RIN2: variants seen among roughly 807,000 people sequenced by gnomAD.
RIN2 encodes RAB5 interacting protein 2.
Under a neutral mutation model 78.0 loss-of-function variants are expected in RIN2, and 36 were observed. That is an observed-to-expected ratio of 0.46 (90% CI 0.35 to 0.61). The LOEUF is 0.61. Among genes scored for constraint, RIN2 ranks in the 20% least tolerant of loss-of-function variants. RIN2 has a pLI of 0.00. For missense variants in RIN2, 1,087 were observed against 1,159.7 expected (o/e 0.94, Z 0.91); for synonymous variants, 466 against 466.8 (o/e 1.00, Z 0.02).
intron 1 of RIN2, among the ~76,000 whole-genome samples, chr20:19,767,057 G>T (rs538349290): frequency 5.9e-5 from 9 of 152,164 alleles, no homozygotes; most frequent in Non-Finnish European, 2.9e-5. Context: ...AGAAAAGGCA[G>T]GTTAATTGGG....
chr20:19,992,751 T>G, intron 11 of RIN2, among the ~76,000 whole-genome samples: 1 of 152,140 alleles, frequency 6.6e-6, no homozygotes, highest in East Asian at 1.9e-4. Context: ...TTGGAAGAAA[T>G]GGTTTCTTTG....
At chr20:19,870,371 G>C (rs1459101158) in intron 2 of RIN2, among the ~76,000 whole-genome samples, 1 of 152,186 alleles carries the variant, frequency 6.6e-6, no homozygotes, top group Non-Finnish European at 1.5e-5. Context: ...CTCAGGCTAG[G>C]TGTAGTGGCT....
chr20:19,908,407 C>T (rs991920423), intron 3 of RIN2, among the ~76,000 whole-genome samples: 8 of 150,910 alleles, frequency 5.3e-5, no homozygotes, highest in African/African-American at 1.5e-4. Context: ...AGGAGAATGG[C>T]GTGAACCCGG....
chr20:19,829,546 TA>T (rs1303057318), intron 2 of RIN2, among the ~76,000 whole-genome samples: 1 of 152,112 alleles, frequency 6.6e-6, no homozygotes, highest in Non-Finnish European at 1.5e-5. Context: ...TGTGCCGGCT[TA>T]AAAAGTTCAA....
Position 20,001,550 on chromosome 20 carries a change from T to A in RIN2, c.*614T>A, listed in dbSNP as rs1414388773. 1 of 152,594 alleles carries A rather than the reference T, an allele frequency of 6.6e-6. No homozygotes were observed. The highest frequency in any genetic ancestry group is 1.5e-5 in the Non-Finnish European group (1 of 68,034). 9.5% of individuals were successfully genotyped at this position (152,594 alleles called of 1,614,324 possible). On this transcript the variant is annotated 3_prime_UTR_variant, in exon 13 of 13. Coordinates refer to ENST00000255006, the MANE Select transcript of RIN2 (RefSeq NM_018993.4). Reference sequence around the variant, plus strand: ...ATTCAAAAATAAATCTCTTGCTGGATTTGAGAGTATTGCATTTTTAAAGTC... The same window carrying A: ...ATTCAAAAATAAATCTCTTGCTGGAATTGAGAGTATTGCATTTTTAAAGTC...
At chr20:19,998,837 C>A (rs747709627) in intron 12 of RIN2, among the ~76,000 whole-genome samples, 1 of 152,112 alleles carries the variant, frequency 6.6e-6, no homozygotes, top group Non-Finnish European at 1.5e-5. Context: ...GGAGGGGCTG[C>A]CTAGGGCAGA....
At chr20:19,913,098 C>A (rs1450414018) in intron 3 of RIN2, among the ~76,000 whole-genome samples, 3 of 152,146 alleles carry the variant, frequency 2.0e-5, no homozygotes, top group Admixed American at 6.5e-5. Context: ...TCGTATAGAT[C>A]ATTTTCTCAA....
At chr20:19,928,565 C>T (rs1280407108) in intron 3 of RIN2, among the ~76,000 whole-genome samples, 1 of 152,214 alleles carries the variant, frequency 6.6e-6, no homozygotes, top group Non-Finnish European at 1.5e-5. Context: ...CAGACTGGAA[C>T]TCAGCAGGCC....
At chr20:19,977,895 C>T (rs1353848930) in intron 9 of RIN2, among the ~76,000 whole-genome samples, 1 of 152,040 alleles carries the variant, frequency 6.6e-6, no homozygotes, top group Non-Finnish European at 1.5e-5. Context: ...CAGTCAGTTC[C>T]TCCTGTTTCT....
Position 19,810,709 on chromosome 20 carries a change from T to A in RIN2, c.-37+10962T>A, listed in dbSNP as rs1379812116. ...TTTTTTTTTTTTTTTTTTTTTTTTT[T>A]GAGACGGAGTCTTGTTCTGTCTCGC... On this transcript the variant is annotated intron_variant, in intron 2 of 12. Transcript: ENST00000255006. 4.9e-4 allele frequency among the ~76,000 whole-genome samples: 62 copies of A among 127,396 alleles called. 1 individual carries two copies. The highest frequency in any genetic ancestry group is 2.1e-3 in the African/African-American group (59 of 27,468). The allele number at this position is 127,396 out of a possible 152,430, so 83.6% of individuals were successfully genotyped here.
At chr20:19,835,939 A>G (rs903706214) in intron 2 of RIN2, among the ~76,000 whole-genome samples, 1 of 152,272 alleles carries the variant, frequency 6.6e-6, no homozygotes, top group Middle Eastern at 3.4e-3. Context: ...CTTGCCTGTC[A>G]CACATTCCTC....
chr20:19,766,745 A>AC (rs917652974), intron 1 of RIN2, among the ~76,000 whole-genome samples: 2 of 151,824 alleles, frequency 1.3e-5, no homozygotes, highest in Non-Finnish European at 2.9e-5. Context: ...ATATGGTGAA[A>AC]CCCCATCTCT....
rs143717786 is a variant in RIN2 at position 19,771,416 on chromosome 20, C to T, written c.-163+13089C>T. 6.6e-5 allele frequency among the ~76,000 whole-genome samples: 10 copies of T among 152,304 alleles called. No individual in the cohort carries two copies. In the East Asian group the frequency reaches 1.4e-3, roughly 21 times the overall value. On this transcript the variant is annotated intron_variant, in intron 1 of 12. Coordinates refer to ENST00000255006, the MANE Select transcript of RIN2 (RefSeq NM_018993.4). ...AATATATCACATAACACCTCCTTTG[C>T]GTATTCCTCATTTCTCTTGCCTGGT... is the stretch of plus-strand genomic sequence containing the variant.
intron 1 of RIN2, among the ~76,000 whole-genome samples, chr20:19,798,510 A>G (rs1398761056): frequency 1.3e-5 from 2 of 152,080 alleles, no homozygotes; most frequent in Admixed American, 6.5e-5. Context: ...GAAAAAAAGA[A>G]TGAGATAACC....
chr20:19,773,703 G>A (rs991762868), intron 1 of RIN2, among the ~76,000 whole-genome samples: 7 of 151,998 alleles, frequency 4.6e-5, no homozygotes, highest in Middle Eastern at 3.4e-3. Flanking sequence ...TCTCTTTGGA[G>A]GTATTGATGC....
intron 6 of RIN2, 135 bp from the exon 7 acceptor site, chr20:19,964,817 C>T (rs1001589397): frequency 5.5e-6 from 4 of 727,040 alleles, no homozygotes; most frequent in Non-Finnish European, 9.7e-6. Flanking sequence ...CTCCTCTGCA[C>T]AGCTGGTTCT....
At chr20:19,888,574 T>A (rs1166949350) in intron 2 of RIN2, among the ~76,000 whole-genome samples, 1 of 152,212 alleles carries the variant, frequency 6.6e-6, no homozygotes, top group Non-Finnish European at 1.5e-5. Context: ...CAAGAGACAG[T>A]CTCACTATTC....
Position 19,935,275 on chromosome 20 carries a change from G to T in RIN2, c.158+76G>T, listed in dbSNP as rs1183177876. ...CCCTGGCACTGCCAAGGGCTGACTTGCAGTCACTCCTCAGAAGTCTGGGAG... is the reference window on the plus strand; with the variant it reads ...CCCTGGCACTGCCAAGGGCTGACTTTCAGTCACTCCTCAGAAGTCTGGGAG... On this transcript the variant is annotated intron_variant, in intron 4 of 12. Transcript: ENST00000255006. 1.2e-5 allele frequency: 16 copies of T among 1,370,982 alleles called. No homozygotes were observed. In the Admixed American group the frequency reaches 3.4e-4, roughly 29 times the overall value. The allele number at this position is 1,370,982 out of a possible 1,614,324, so 84.9% of individuals were successfully genotyped here.
chr20:19,943,226 C>T (rs1175085107), intron 4 of RIN2, among the ~76,000 whole-genome samples: 4 of 152,314 alleles, frequency 2.6e-5, no homozygotes, highest in Non-Finnish European at 5.9e-5. Flanking sequence ...CCAGCATTCG[C>T]TCTGTATCTG....
Sources: gnomAD v4.1 joint callset for allele counts (sites outside exome capture counted in the v4.1 genomes callset) on GRCh38, gnomAD v4.1.1 for gene constraint, MANE v1.5 for transcripts, NCBI Gene and HGNC (gene_info 2026-07-23, HGNC 2026-07-21) for gene names.